Variants in RUNX1 observed in about 807,000 individuals in gnomAD.
The protein encoded by RUNX1 is runt-related transcription factor 1.
RUNX1 carries 19 observed loss-of-function variants against 42.8 expected under a neutral mutation model. The observed-to-expected ratio is 0.44, with a 90% CI of 0.31 to 0.65. The LOEUF is 0.65. Ranked by LOEUF, RUNX1 falls within the 30% of genes least tolerant of loss-of-function variation. RUNX1 has a pLI of 0.07. For missense variants in RUNX1, 528 were observed against 672.0 expected (o/e 0.79, Z 2.37); for synonymous variants, 271 against 289.4 (o/e 0.94, Z 0.64).
At chr21:35,038,252 C>T (rs1171715085) in intron 2 of RUNX1, among the ~76,000 whole-genome samples, 1 of 152,158 alleles carries the variant, frequency 6.6e-6, no homozygotes, top group South Asian at 2.1e-4. Flanking sequence ...CTAAAGCCCA[C>T]AGGCTTCCTG....
chr21:34,826,492 C>A (rs1178436726), intron 7 of RUNX1, among the ~76,000 whole-genome samples: 4 of 130,196 alleles, frequency 3.1e-5, no homozygotes, highest in Non-Finnish European at 6.2e-5. Flanking sequence ...GGCTGGAGTG[C>A]AGTAACATGA....
chr21:34,987,246 G>C (rs138691019), intron 2 of RUNX1, among the ~76,000 whole-genome samples: 6 of 152,282 alleles, frequency 3.9e-5, no homozygotes, highest in Non-Finnish European at 5.9e-5. Flanking sequence ...ATTAAATCTC[G>C]CTTCGTCCGC....
At chr21:34,864,336 C>T (rs1485818887) in intron 5 of RUNX1, among the ~76,000 whole-genome samples, 1 of 152,200 alleles carries the variant, frequency 6.6e-6, no homozygotes, top group Non-Finnish European at 1.5e-5. Flanking sequence ...CGAGCTGCAG[C>T]CGGAATAGTG....
chr21:34,795,652 C>T (rs1181161395), intron 8 of RUNX1, among the ~76,000 whole-genome samples: 2 of 152,326 alleles, frequency 1.3e-5, no homozygotes, highest in East Asian at 3.9e-4. Context: ...CCTTCCTTGG[C>T]CACACTCTAG....
At chr21:35,039,850 A>G (rs2059344662) in intron 2 of RUNX1, among the ~76,000 whole-genome samples, 1 of 152,228 alleles carries the variant, frequency 6.6e-6, no homozygotes, top group Non-Finnish European at 1.5e-5. Flanking sequence ...GAACTTTGGA[A>G]GTAAAAGCCA....
At chr21:35,019,311 T>A (rs1284445553) in intron 2 of RUNX1, among the ~76,000 whole-genome samples, 6 of 152,210 alleles carry the variant, frequency 3.9e-5, no homozygotes, top group Admixed American at 3.9e-4. Context: ...TCGAGACACC[T>A]TCTAGCCTTC....
Position 34,999,621 on chromosome 21 carries a change from A to G in RUNX1, c.58+49221T>C, listed in dbSNP as rs566212789. ...AAGAGAGTATTGAAAACACACACAC[A>G]ATCTAGTGTTCGACATGTGGGGACC... is the stretch of plus-strand genomic sequence containing the variant. On this transcript the variant is annotated intron_variant, in intron 2 of 8. Coordinates refer to ENST00000675419, the MANE Select transcript of RUNX1 (RefSeq NM_001754.5). 3.3e-5 allele frequency among the ~76,000 whole-genome samples: 5 copies of G among 152,272 alleles called. No individual in the cohort carries two copies. The South Asian group carries it at 1.0e-3, about 32-fold the overall frequency.
chr21:34,952,117 A>G (rs1354343674), intron 2 of RUNX1, among the ~76,000 whole-genome samples: 4 of 152,212 alleles, frequency 2.6e-5, no homozygotes, highest in African/African-American at 9.7e-5. Context: ...TCAGCAAACT[A>G]TCACAAGGAC....
intron 2 of RUNX1, among the ~76,000 whole-genome samples, chr21:35,005,568 T>C (rs1298415115): frequency 6.6e-6 from 1 of 152,196 alleles, no homozygotes; most frequent in Non-Finnish European, 1.5e-5. Flanking sequence ...GCTCCACAGT[T>C]CCATCCTCAT....
intron 7 of RUNX1, among the ~76,000 whole-genome samples, chr21:34,815,490 A>G (rs1056446343): frequency 6.6e-6 from 1 of 152,222 alleles, no homozygotes; most frequent in Non-Finnish European, 1.5e-5. Context: ...GCCATAGGGC[A>G]CAGGGTGGGT....
At chr21:35,014,336 A>T (rs28654737) in intron 2 of RUNX1, among the ~76,000 whole-genome samples, 4,183 of 152,218 alleles carry the variant, frequency 0.027, 202 homozygotes, top group African/African-American at 0.096. Context: ...TAAACAATGA[A>T]ACATCCTGCC....
intron 2 of RUNX1, among the ~76,000 whole-genome samples, chr21:35,045,912 A>C (rs1164332839): frequency 6.6e-6 from 1 of 152,136 alleles, no homozygotes; most frequent in Non-Finnish European, 1.5e-5. Context: ...CTGTGGTTCT[A>C]GGAACGCAGA....
chr21:35,034,133 C>A (rs1158401145), intron 2 of RUNX1, among the ~76,000 whole-genome samples: 4 of 152,216 alleles, frequency 2.6e-5, no homozygotes, highest in Non-Finnish European at 2.9e-5. Context: ...TGCAGCCCTG[C>A]CATTTCCCAG....
At chr21:34,888,406 G>A (rs1169732757) in intron 3 of RUNX1, 16 of 1,066,858 alleles carry the variant, frequency 1.5e-5, no homozygotes, top group Non-Finnish European at 1.6e-5. Context: ...TCCCCCTGTT[G>A]TAAAAGGAAA....
intron 2 of RUNX1, among the ~76,000 whole-genome samples, chr21:34,919,961 G>A (rs111246646): frequency 0.012 from 1,788 of 152,272 alleles, 47 homozygotes; most frequent in African/African-American, 0.04. Flanking sequence ...CAGGCTCTGC[G>A]TTAGGTACTT....
At chr21:34,871,783 T>G (rs1019343352) in intron 5 of RUNX1, among the ~76,000 whole-genome samples, 3 of 152,004 alleles carry the variant, frequency 2.0e-5, no homozygotes, top group Non-Finnish European at 2.9e-5. Context: ...GTATGCAGAC[T>G]GAGCCATTTT....
chr21:34,868,941 T>C (rs2057700521), intron 5 of RUNX1, among the ~76,000 whole-genome samples: 1 of 152,228 alleles, frequency 6.6e-6, no homozygotes, highest in Non-Finnish European at 1.5e-5. Context: ...ATAGGTACTA[T>C]ATTTCCATCA....
chr21:35,043,214 TC>T (rs2059372497), intron 2 of RUNX1, among the ~76,000 whole-genome samples: 1 of 152,120 alleles, frequency 6.6e-6, no homozygotes, highest in African/African-American at 2.4e-5. Flanking sequence ...TTTTTACCAC[TC>T]CAGGACATCC....
intron 6 of RUNX1, among the ~76,000 whole-genome samples, chr21:34,847,494 TTTAA>T (rs1311717515): frequency 6.6e-6 from 1 of 152,094 alleles, no homozygotes; most frequent in East Asian, 1.9e-4. Context: ...TTTTCTATTT[TTTAA>T]TTATCTAATT....
Sources: gnomAD v4.1 joint callset for allele counts (sites outside exome capture counted in the v4.1 genomes callset) on GRCh38, gnomAD v4.1.1 for gene constraint, MANE v1.5 for transcripts, NCBI Gene and HGNC (gene_info 2026-07-23, HGNC 2026-07-21) for gene names.